CYRIB: variants seen among roughly 807,000 people sequenced by gnomAD.
CYRIB encodes CYFIP related Rac1 interactor B, also known as CYFIP-related Rac1 interactor B.
Under a neutral mutation model 44.2 loss-of-function variants are expected in CYRIB, and 8 were observed. The ratio of observed to expected loss-of-function variants is 0.18; its 90% CI spans 0.11 to 0.33. The LOEUF (loss-of-function observed/expected upper bound fraction) is 0.33. CYRIB is among the 10% of genes least tolerant of loss of function. The pLI is 1.00. For synonymous variants in CYRIB, 131 were observed against 127.2 expected (o/e 1.03, Z -0.20); for missense variants, 185 against 382.8 (o/e 0.48, Z 4.31).
intron 1 of CYRIB, among the ~76,000 whole-genome samples, chr8:129,910,047 T>G (rs952434872): frequency 6.6e-6 from 1 of 152,226 alleles, no homozygotes; most frequent in African/African-American, 2.4e-5. Context: ...AAGACCATGC[T>G]GTAACCACCT....
chr8:129,990,118 A>C (rs2096591401), intron 1 of CYRIB, among the ~76,000 whole-genome samples: 1 of 152,118 alleles, frequency 6.6e-6, no homozygotes, highest in East Asian at 1.9e-4. Flanking sequence ...ATGAAGGCAC[A>C]GTTTTCTTCT....
At chr8:129,986,298 A>G (rs2133011786) in intron 1 of CYRIB, among the ~76,000 whole-genome samples, 1 of 152,292 alleles carries the variant, frequency 6.6e-6, no homozygotes, top group East Asian at 1.9e-4. Context: ...AGTGGCCCCG[A>G]GGACAGGCCC....
chr8:129,947,505 G>A (rs2094232419), intron 2 of CYRIB, among the ~76,000 whole-genome samples: 1 of 152,144 alleles, frequency 6.6e-6, no homozygotes, highest in African/African-American at 2.4e-5. Flanking sequence ...TTCCTGCCAT[G>A]GTGCCTGGCC....
intron 2 of CYRIB, among the ~76,000 whole-genome samples, chr8:129,892,121 T>G (rs1298154100): frequency 1.3e-5 from 2 of 152,246 alleles, no homozygotes; most frequent in South Asian, 2.1e-4. Flanking sequence ...AGCCACATAT[T>G]TAGACCATGA....
intron 2 of CYRIB, chr8:129,901,652 T>C (rs1386872930): frequency 6.6e-6 from 1 of 152,234 alleles, no homozygotes; most frequent in African/African-American, 2.4e-5. Flanking sequence ...TCTGTGAATA[T>C]GGATGGGAAC....
intron 7 of CYRIB, among the ~76,000 whole-genome samples, chr8:129,852,571 C>T (rs1201849645): frequency 1.3e-5 from 2 of 152,058 alleles, no homozygotes; most frequent in Middle Eastern, 3.4e-3. Flanking sequence ...AAAATTGTAC[C>T]GTCCTCCATT....
intron 1 of CYRIB, among the ~76,000 whole-genome samples, chr8:129,935,480 A>G (rs2092632416): frequency 6.6e-6 from 1 of 152,148 alleles, no homozygotes; most frequent in African/African-American, 2.4e-5. Flanking sequence ...TCATGCTACT[A>G]TGAGAATCTA....
intron 1 of CYRIB, among the ~76,000 whole-genome samples, chr8:129,993,946 A>C (rs2096708828): frequency 2.0e-5 from 3 of 151,854 alleles, no homozygotes; most frequent in African/African-American, 7.3e-5. Context: ...ACCATCATCC[A>C]GTTGTGTGTC....
chr8:129,984,201 G>T (rs1329333625), intron 1 of CYRIB, among the ~76,000 whole-genome samples: 1 of 152,224 alleles, frequency 6.6e-6, no homozygotes, highest in Non-Finnish European at 1.5e-5. Flanking sequence ...CTCTCTGGCT[G>T]CAGGGACAAC....
At chr8:129,903,912 A>T (rs73710960) in intron 1 of CYRIB, among the ~76,000 whole-genome samples, 2,212 of 152,108 alleles carry the variant, frequency 0.015, 40 homozygotes, top group African/African-American at 0.046. Flanking sequence ...TTATTATTTC[A>T]CTCATTCATT....
chr8:129,944,012 G>T (rs543743609), upstream of CYRIB, among the ~76,000 whole-genome samples: 2 of 151,790 alleles, frequency 1.3e-5, no homozygotes, highest in African/African-American at 2.4e-5. Flanking sequence ...GGTTGGCAGG[G>T]ATTGTGGGGG....
intron 1 of CYRIB, among the ~76,000 whole-genome samples, chr8:129,998,903 C>T (rs925884020): frequency 6.6e-6 from 1 of 152,090 alleles, no homozygotes; most frequent in Non-Finnish European, 1.5e-5. Flanking sequence ...CTTTTTTCTT[C>T]TCCTTCTTCT....
At chr8:129,951,260 T>C (rs1442233096) in intron 2 of CYRIB, among the ~76,000 whole-genome samples, 1 of 152,010 alleles carries the variant, frequency 6.6e-6, no homozygotes, top group African/African-American at 2.4e-5. Flanking sequence ...GCCGAGACTG[T>C]GCCATTGCGC....
At chr8:129,970,864 T>C (rs1297820734) in intron 2 of CYRIB, 79 bp downstream of exon 2, 2 of 152,206 alleles carry the variant, frequency 1.3e-5, no homozygotes, top group East Asian at 3.8e-4. Flanking sequence ...CACTTTAATT[T>C]TTCCTCATAG....
intron 2 of CYRIB, among the ~76,000 whole-genome samples, chr8:129,960,589 G>A (rs1001536998): frequency 6.7e-6 from 1 of 149,942 alleles, no homozygotes. Context: ...AGAGGTTGCA[G>A]TGAGCCAAGA....
intron 1 of CYRIB, among the ~76,000 whole-genome samples, chr8:129,998,832 A>G (rs1378096971): frequency 6.6e-6 from 1 of 152,082 alleles, no homozygotes; most frequent in Admixed American, 6.5e-5. Context: ...GGGTTTCACC[A>G]TGTTGGCCAA....
rs2043501093 is a variant in CYRIB at position 129,851,986 on chromosome 8, G to A, written c.633+176C>T. 3.0e-5 allele frequency: 12 copies of A among 398,612 alleles called. No homozygotes were observed. The Admixed American group carries it at 3.1e-4, about 10-fold the overall frequency. The allele number at this position is 398,612 out of a possible 1,614,324, so 24.7% of individuals were successfully genotyped here. A position where few individuals can be genotyped will look rare whatever the true frequency, so the allele number is the denominator to read the frequency against. ...TTTCCACCATCCCTCCAGAGAAACTGCAAATACGTGGACAGGTGTGCACAT... is the reference window on the plus strand; with the variant it reads ...TTTCCACCATCCCTCCAGAGAAACTACAAATACGTGGACAGGTGTGCACAT... On this transcript the variant is annotated intron_variant, in intron 8 of 11. Coordinates refer to ENST00000519824, the Ensembl canonical transcript of CYRIB.
chr8:129,936,730 G>A (rs1346546004), intron 1 of CYRIB, among the ~76,000 whole-genome samples: 7 of 141,136 alleles, frequency 5.0e-5, no homozygotes, highest in East Asian at 4.0e-4. Flanking sequence ...TTTTTGAGAC[G>A]GAGTCTTGCT....
chr8:129,987,568 CTTTT>C (rs34876735), intron 1 of CYRIB, among the ~76,000 whole-genome samples: 7 of 127,018 alleles, frequency 5.5e-5, no homozygotes, highest in Non-Finnish European at 8.1e-5. Context: ...TTTTTTTTTT[CTTTT>C]TTTTTTTTTT....
Sources: allele counts gnomAD v4.1 joint callset (sites outside exome capture counted in the v4.1 genomes callset), GRCh38; gene constraint gnomAD v4.1.1; transcripts MANE v1.5; gene names NCBI Gene and HGNC (gene_info 2026-07-23, HGNC 2026-07-21).